COL6A3: variants seen among roughly 807,000 people sequenced by gnomAD.
The protein encoded by COL6A3 is collagen type VI alpha 3 chain, also known as collagen alpha-3(VI) chain.
In COL6A3, 137 loss-of-function variants were observed where a neutral mutation model predicts 274.1. The observed-to-expected ratio is 0.50, with a 90% CI of 0.44 to 0.58. COL6A3 has a LOEUF of 0.58. COL6A3 is among the 20% of genes least tolerant of loss of function. The pLI is 0.00. For missense variants in COL6A3, 3,950 were observed against 4,124.9 expected (o/e 0.96, Z 1.16); for synonymous variants, 1,650 against 1,650.6 (o/e 1.00, Z 0.01).
intron 2 of COL6A3, among the ~76,000 whole-genome samples, chr2:237,396,221 C>T (rs1019015148): frequency 1.3e-5 from 2 of 152,150 alleles, no homozygotes; most frequent in Non-Finnish European, 2.9e-5. Context: ...TTAATTAGAA[C>T]CCATGCTTTT....
chr2:237,325,536 T>C lies in COL6A3; in HGVS notation c.9493+24A>G, dbSNP rs375986133. The stretch of plus-strand genomic sequence containing the variant: ...CTGAATCTCTTATTTGCAGAAGCCA[T>C]AAACACAAGGAAGAATCACTTACCA... On this transcript the variant is annotated intron_variant, in intron 43 of 43. Coordinates refer to ENST00000295550, the MANE Select transcript of COL6A3 (RefSeq NM_004369.4). The C allele has an allele frequency of 6.8e-6, 11 of 1,613,870 alleles. No individual in the cohort carries two copies. The African/African-American group carries it at 1.1e-4, about 16-fold the overall frequency.
Position 237,364,764 on chromosome 2 carries a change from G to A in COL6A3, c.5839-336C>T, listed in dbSNP as rs1381579587. Among the ~76,000 whole-genome samples the A allele has an allele frequency of 6.6e-6, 1 of 151,884 alleles. No individual in the cohort carries two copies. The highest frequency in any genetic ancestry group is 1.5e-5 in the Non-Finnish European group (1 of 67,974). ...TGTGCGTGCATGTGTGTGCATGTGT[G>A]TGGGTACATATGTGTGTGTATGGGT... is the stretch of plus-strand genomic sequence containing the variant. On this transcript the variant is annotated intron_variant, in intron 12 of 43. Transcript: ENST00000295550. The surrounding 1 kb of genome is among the most constrained non-coding windows in gnomAD (Gnocchi z 4.6).
chr2:237,353,152 A>G (rs2077243219), intron 25 of COL6A3, among the ~76,000 whole-genome samples, 189 bp downstream of exon 25: 1 of 152,220 alleles, frequency 6.6e-6, no homozygotes, highest in Admixed American at 6.5e-5. Context: ...TAATGGGTAC[A>G]GGTCTCCTTC....
chr2:237,353,560 T>C (rs2077252379), intron 24 of COL6A3, among the ~76,000 whole-genome samples, 157 bp from the exon 25 acceptor site: 1 of 152,144 alleles, frequency 6.6e-6, no homozygotes, highest in South Asian at 2.1e-4. Context: ...TAACCCCAGG[T>C]GAGACACTGA....
chr2:237,354,864 A>C, intron 24 of COL6A3, 35 bp downstream of exon 24: 2 of 1,605,418 alleles, frequency 1.2e-6, no homozygotes, highest in Non-Finnish European at 1.7e-6. Context: ...GGGCTGTTTG[A>C]AGAGAGTCTC....
chr2:237,347,289 TCACA>T (rs374430423), intron 31 of COL6A3, among the ~76,000 whole-genome samples: 1 of 150,956 alleles, frequency 6.6e-6, no homozygotes, highest in Non-Finnish European at 1.5e-5. Flanking sequence ...TGAGACCTTG[TCACA>T]CACACACACA....
rs60589035 is a variant in COL6A3 at position 237,397,017 on chromosome 2, T to TGATAGATA, written c.-30-178_-30-171dup. ...GATGGATGATAGACAGTTAGATAGA[T>TGATAGATA]GATAGATAGATAGATAGATAGATAG... On this transcript the variant is annotated intron_variant, in intron 1 of 43. Transcript: ENST00000295550. Among the ~76,000 whole-genome samples, 59,934 of 145,758 alleles carry TGATAGATA rather than the reference T, an allele frequency of 0.41. 12,449 individuals are homozygous for TGATAGATA. Among genetic ancestry groups the TGATAGATA allele is most frequent in the Middle Eastern group, 0.48 (138 of 290 alleles).
chr2:237,341,943 G>T, intron 37 of COL6A3, 122 bp downstream of exon 37: 2 of 832,636 alleles, frequency 2.4e-6, no homozygotes, highest in Admixed American at 4.0e-5. Flanking sequence ...TAAATACGAG[G>T]CTTTGTGAAT....
rs2077765838 is a variant in COL6A3 at position 237,374,073 on chromosome 2, C to T, written c.3679+339G>A. The stretch of plus-strand genomic sequence containing the variant: ...TACCAGGGGTCGCAGGACTGATACG[C>T]AACAGGCGTTATCAGTTAGACGGCC... On this transcript the variant is annotated intron_variant, in intron 8 of 43. Transcript: ENST00000295550. The surrounding 1 kb of genome is among the most constrained non-coding windows in gnomAD (Gnocchi z 4.8). Among the ~76,000 whole-genome samples the T allele has an allele frequency of 6.6e-6, 1 of 152,232 alleles. No homozygotes were observed. The highest frequency in any genetic ancestry group is 6.5e-5 in the Admixed American group (1 of 15,288).
At chr2:237,333,569 C>T in intron 41 of COL6A3, 21 bp from the exon 42 acceptor site, 4 of 1,598,432 alleles carry the variant, frequency 2.5e-6, no homozygotes, top group Non-Finnish European at 3.4e-6. Context: ...AAAATATATG[C>T]AACTCGTAGG....
At chr2:237,363,144 C>G (rs78942714) in intron 14 of COL6A3, 109 bp downstream of exon 14, 20 of 131,968 alleles carry the variant, frequency 1.5e-4, no homozygotes, top group Non-Finnish European at 2.1e-4. Flanking sequence ...TCTACCAAGG[C>G]CCCCCCCCCA....
chr2:237,364,124 C>CCACAA lies in COL6A3; in HGVS notation c.5917+221_5917+225dup, dbSNP rs1361112777. The stretch of plus-strand genomic sequence containing the variant: ...TCTGAACATTCTACCACCTGAACAG[C>CCACAA]CACAACACAACAGTAAAGCTGTCTA... On this transcript the variant is annotated intron_variant, in intron 13 of 43. Transcript: ENST00000295550. The surrounding 1 kb of genome is among the most constrained non-coding windows in gnomAD (Gnocchi z 4.6). Among the ~76,000 whole-genome samples, 1 of 152,136 alleles carries CCACAA rather than the reference C, an allele frequency of 6.6e-6. No individual in the cohort carries two copies. The highest frequency in any genetic ancestry group is 1.5e-5 in the Non-Finnish European group (1 of 68,030).
intron 40 of COL6A3, among the ~76,000 whole-genome samples, chr2:237,335,773 C>T (rs1700507312): frequency 6.6e-6 from 1 of 152,218 alleles, no homozygotes; most frequent in South Asian, 2.1e-4. Context: ...GAACCAACTG[C>T]AGCGTTTTTC....
chr2:237,359,302 G>C (rs1215451062), intron 18 of COL6A3, 52 bp from the exon 19 acceptor site: 1 of 1,614,010 alleles, frequency 6.2e-7, no homozygotes, highest in Non-Finnish European at 8.5e-7. Flanking sequence ...TCTGGCAAAG[G>C]AAGAAATGAG....
At chr2:237,399,113 G>T (rs1230308047) in intron 1 of COL6A3, among the ~76,000 whole-genome samples, 1 of 152,182 alleles carries the variant, frequency 6.6e-6, no homozygotes, top group South Asian at 2.1e-4. Flanking sequence ...TTCATAAGAT[G>T]AGAGGATAAG....
Position 237,379,753 on chromosome 2 carries a change from T to C in COL6A3, c.1898-518A>G, listed in dbSNP as rs558030686. On this transcript the variant is annotated intron_variant, in intron 5 of 43. Coordinates refer to ENST00000295550, the MANE Select transcript of COL6A3 (RefSeq NM_004369.4). The stretch of plus-strand genomic sequence containing the variant: ...ATAGCAAAAGTAGGCTGGTCTCATA[T>C]TGAAGTCTTCTTCAGACTTCCCCGT... Among the ~76,000 whole-genome samples the C allele has an allele frequency of 3.0e-4, 45 of 152,352 alleles. No individual in the cohort carries two copies. In the South Asian group the frequency reaches 8.1e-3, roughly 27 times the overall value.
rs2077001515 is a variant in COL6A3, at chr2:237,342,173, A to G, written c.7669-12T>C. 2 of 1,613,012 alleles carry G rather than the reference A, an allele frequency of 1.2e-6. No individual in the cohort carries two copies. The highest frequency in any genetic ancestry group is 2.7e-5 in the African/African-American group (2 of 74,916). On this transcript the variant is annotated splice_polypyrimidine_tract_variant and intron_variant, in intron 36 of 43. Coordinates refer to ENST00000295550, the MANE Select transcript of COL6A3 (RefSeq NM_004369.4). ...GCTGTGTTATTGATCTGGTTTAAAC[A>G]AAAGAACAATTTTGGTAGGGGCGTA...
chr2:237,347,781 TGCA>T, intron 31 of COL6A3, 23 bp downstream of exon 31: 3 of 1,602,576 alleles, frequency 1.9e-6, no homozygotes, highest in African/African-American at 2.7e-5. Context: ...ATTCCTCACC[TGCA>T]GCCAAGGCCC....
In COL6A3 at chr2:237,369,057, C is replaced by T. The variant is rs760665303; in HGVS notation, c.4406G>A (p.Gly1469Asp). 6.2e-7 allele frequency: 1 copy of T among 1,614,184 alleles called. No homozygotes were observed. Among genetic ancestry groups the T allele is most frequent in the Non-Finnish European group, 8.5e-7 (1 of 1,180,024 alleles). Reference sequence around the variant, plus strand: ...GACCCCAACTCTCACTTTACTGGGGCCGATGTTGAGTCTTCGAACAATCCT... The same window carrying T: ...GACCCCAACTCTCACTTTACTGGGGTCGATGTTGAGTCTTCGAACAATCCT... ...VSRIVRRLNI[G>D]PSKVRVGVVQ... Residue 1469 changes from glycine to aspartate, a missense_variant, in exon 10 of 44, where the codon GGC becomes GAC. Transcript: ENST00000295550.
Sources: gnomAD v4.1 joint callset for allele counts (sites outside exome capture counted in the v4.1 genomes callset) on GRCh38, gnomAD v4.1.1 for gene constraint, Gnocchi (gnomAD v3.1) non-coding constraint, MANE v1.5 for transcripts, NCBI Gene and HGNC (gene_info 2026-07-23, HGNC 2026-07-21) for gene names.